NFIA: variants seen among roughly 807,000 people sequenced by gnomAD.
NFIA encodes nuclear factor I A.
A neutral mutation model predicts 62.8 loss-of-function variants in NFIA; 8 were observed. That is an observed-to-expected ratio of 0.13 (90% confidence interval 0.07 to 0.23). The LOEUF (loss-of-function observed/expected upper bound fraction) is 0.23. NFIA is among the 10% of genes least tolerant of loss of function. The pLI, the probability that NFIA is intolerant of heterozygous loss-of-function variation, is 1.00. For synonymous variants in NFIA, 235 were observed against 238.1 expected, an observed-to-expected ratio of 0.99 and a Z score of 0.12; for missense variants, 410 against 642.1, an observed-to-expected ratio of 0.64 and a Z score of 3.91.
At chr1:61,124,373 G>A (rs1190345455) in intron 2 of NFIA, among the ~76,000 whole-genome samples, 1 of 152,208 alleles carries the variant, frequency 6.6e-6, no homozygotes, top group Admixed American at 6.5e-5. Context: ...TACTGTGGTT[G>A]AACGATGTAG....
intron 3 of NFIA, among the ~76,000 whole-genome samples, chr1:61,314,174 C>T (rs1015871644): frequency 3.3e-5 from 5 of 152,186 alleles, no homozygotes; most frequent in African/African-American, 9.6e-5. Context: ...ATCACTGCTT[C>T]CACAAAGCCT....
At chr1:61,451,194 T>G (rs1364890509) in intron 10 of NFIA, among the ~76,000 whole-genome samples, 3 of 152,178 alleles carry the variant, frequency 2.0e-5, no homozygotes, top group Non-Finnish European at 2.9e-5. Context: ...CTGACTACTG[T>G]GAGTATTCCA....
chr1:61,348,111 A>C (rs1210267338), intron 4 of NFIA, among the ~76,000 whole-genome samples: 2 of 152,292 alleles, frequency 1.3e-5, no homozygotes, highest in East Asian at 3.9e-4. Flanking sequence ...TCTGTTCTCC[A>C]GATTAGAGGT....
At chr1:61,284,098 A>G (rs1044594335) in intron 3 of NFIA, among the ~76,000 whole-genome samples, 11 of 152,184 alleles carry the variant, frequency 7.2e-5, no homozygotes, top group South Asian at 2.1e-4. Flanking sequence ...CCTTCAAAAA[A>G]CCCCGCAGGG....
intron 3 of NFIA, among the ~76,000 whole-genome samples, chr1:61,312,718 G>A (rs1261277809): frequency 4.6e-5 from 7 of 150,752 alleles, no homozygotes. Context: ...TTGTTATATT[G>A]CTCAGGCTGG....
intron 7 of NFIA, among the ~76,000 whole-genome samples, chr1:61,402,793 C>T (rs1262034610): frequency 6.6e-6 from 1 of 152,152 alleles, no homozygotes; most frequent in East Asian, 1.9e-4. Context: ...AAGTTGCTTC[C>T]CCTCCAATCG....
chr1:61,243,374 G>A (rs978639439), intron 2 of NFIA, among the ~76,000 whole-genome samples: 13 of 152,136 alleles, frequency 8.5e-5, no homozygotes, highest in Non-Finnish European at 1.5e-4. Flanking sequence ...TTAATTAAAA[G>A]TCTTTCTTGC....
chr1:61,349,053 A>G (rs977063424), intron 4 of NFIA, among the ~76,000 whole-genome samples: 100 of 152,214 alleles, frequency 6.6e-4, no homozygotes, highest in African/African-American at 2.3e-3. Context: ...AGGATGAGTG[A>G]TCTAGGCTCA....
chr1:61,444,824 G>A (rs944626922), intron 10 of NFIA, among the ~76,000 whole-genome samples: 7 of 152,234 alleles, frequency 4.6e-5, no homozygotes, highest in East Asian at 3.9e-4. Context: ...TCCATATGGC[G>A]ATTTAACAAG....
In NFIA at chr1:61,232,882, T is replaced by C. The variant is rs548281412; in HGVS notation, c.560-44638T>C. ...ACCCCAAGTTTATTTTTCTGAACTC[T>C]TGCTTTTTCACTCATTGCTCATAAA... On this transcript the variant is annotated intron_variant, in intron 2 of 10. Coordinates refer to ENST00000403491, the MANE Select transcript of NFIA (RefSeq NM_001134673.4). Among the ~76,000 whole-genome samples the C allele has an allele frequency of 2.3e-3, 355 of 152,308 alleles. 2 individuals are homozygous for C. The highest frequency in any genetic ancestry group is 8.3e-3 in the African/African-American group (346 of 41,574).
intron 2 of NFIA, among the ~76,000 whole-genome samples, chr1:61,159,865 A>G (rs1318554924): frequency 4.6e-5 from 7 of 152,030 alleles, no homozygotes; most frequent in Non-Finnish European, 8.8e-5. Context: ...TATTTTTAGT[A>G]GAGACGGGGT....
intron 2 of NFIA, among the ~76,000 whole-genome samples, chr1:61,272,784 G>A (rs1260873323): frequency 6.6e-6 from 1 of 152,076 alleles, no homozygotes; most frequent in Non-Finnish European, 1.5e-5. Context: ...TCCTGTCTTT[G>A]CCTTTTAGTT....
At chr1:61,331,910 A>G (rs1174101475) in intron 3 of NFIA, among the ~76,000 whole-genome samples, 1 of 152,194 alleles carries the variant, frequency 6.6e-6, no homozygotes, top group Non-Finnish European at 1.5e-5. Flanking sequence ...AAAAAAATCA[A>G]CAGACACAAA....
At chr1:61,220,242 ATG>A (rs920903139) in intron 2 of NFIA, among the ~76,000 whole-genome samples, 1 of 152,118 alleles carries the variant, frequency 6.6e-6, no homozygotes, top group Non-Finnish European at 1.5e-5. Flanking sequence ...TTAACTCTGC[ATG>A]TGTGTGTACA....
intron 7 of NFIA, among the ~76,000 whole-genome samples, chr1:61,392,956 G>T (rs752233702): frequency 6.6e-6 from 1 of 152,032 alleles, no homozygotes; most frequent in Non-Finnish European, 1.5e-5. Context: ...GCATGTGTGC[G>T]CACAGGCACA....
chr1:61,154,142 T>C (rs555187367), intron 2 of NFIA, among the ~76,000 whole-genome samples: 10 of 152,278 alleles, frequency 6.6e-5, no homozygotes, highest in Admixed American at 2.6e-4. Flanking sequence ...ATTTGTTTTA[T>C]TTTATTTTAT....
At chr1:61,272,444 T>C (rs1160042187) in intron 2 of NFIA, among the ~76,000 whole-genome samples, 1 of 152,208 alleles carries the variant, frequency 6.6e-6, no homozygotes, top group African/African-American at 2.4e-5. Flanking sequence ...AGTTATTTGA[T>C]TTTCTGGATT....
intron 9 of NFIA, among the ~76,000 whole-genome samples, chr1:61,409,487 C>T (rs910031563): frequency 3.3e-5 from 5 of 152,216 alleles, no homozygotes; most frequent in African/African-American, 1.2e-4. Context: ...GAAGCCCACT[C>T]ATCCTTATTT....
At chr1:61,148,740 C>G (rs374036670) in intron 2 of NFIA, among the ~76,000 whole-genome samples, 1 of 152,296 alleles carries the variant, frequency 6.6e-6, no homozygotes, top group East Asian at 1.9e-4. Flanking sequence ...GATTCTCTTC[C>G]ATTTATAGCA....
Sources: gnomAD v4.1 joint callset for allele counts (sites outside exome capture counted in the v4.1 genomes callset) on GRCh38, gnomAD v4.1.1 for gene constraint, MANE v1.5 for transcripts, NCBI Gene and HGNC (gene_info 2026-07-23, HGNC 2026-07-21) for gene names.